Variants in WDPCP observed in about 807,000 individuals in gnomAD.
The protein encoded by WDPCP is WD repeat containing planar cell polarity effector, also known as WD repeat-containing and planar cell polarity effector protein fritz homolog.
Under a neutral mutation model 93.1 loss-of-function variants are expected in WDPCP, and 71 were observed. The observed-to-expected ratio is 0.76, with a 90% CI of 0.63 to 0.93. The LOEUF is 0.93. WDPCP is among the 40% of genes least tolerant of loss of function. The probability of loss-of-function intolerance (pLI) is 0.00; values close to 1 mark genes in which losing one functional copy is unlikely to be tolerated. For missense variants in WDPCP, 844 were observed against 887.4 expected (o/e 0.95, Z 0.62); for synonymous variants, 315 against 315.0 (o/e 1.00, Z 0.00).
intron 13 of WDPCP, among the ~76,000 whole-genome samples, chr2:63,293,331 G>C (rs1364742419): frequency 4.6e-5 from 7 of 152,108 alleles, no homozygotes; most frequent in African/African-American, 1.7e-4. Flanking sequence ...ATTCACCTTA[G>C]TATAATCTTT....
At chr2:63,766,534 T>C (rs1197559772) in intron 2 of WDPCP, among the ~76,000 whole-genome samples, 2 of 151,924 alleles carry the variant, frequency 1.3e-5, no homozygotes, top group African/African-American at 4.8e-5. Context: ...TATAGTTATC[T>C]TACTCTATGG....
chr2:63,514,708 A>G (rs963221202), intron 1 of WDPCP, among the ~76,000 whole-genome samples: 1 of 152,184 alleles, frequency 6.6e-6, no homozygotes, highest in African/African-American at 2.4e-5. Flanking sequence ...ATACAGATAT[A>G]GAGCTCAGGA....
At chr2:63,522,461 C>G (rs965844640) in intron 1 of WDPCP, among the ~76,000 whole-genome samples, 4 of 149,202 alleles carry the variant, frequency 2.7e-5, no homozygotes, top group African/African-American at 7.4e-5. Flanking sequence ...GACAGACACA[C>G]ACACACACAC....
At chr2:63,136,140 TGTC>T (rs1670600295) in intron 17 of WDPCP, among the ~76,000 whole-genome samples, 1 of 152,174 alleles carries the variant, frequency 6.6e-6, no homozygotes, top group Non-Finnish European at 1.5e-5. Flanking sequence ...TAATTCAAAG[TGTC>T]AGAGAACTTT....
chr2:63,668,161 T>C (rs1710304731), intron 2 of WDPCP, among the ~76,000 whole-genome samples: 1 of 152,172 alleles, frequency 6.6e-6, no homozygotes, highest in Non-Finnish European at 1.5e-5. Context: ...AGATGTCAGA[T>C]GTCTCTGTTC....
chr2:63,364,917 T>G (rs1690779413), intron 12 of WDPCP, among the ~76,000 whole-genome samples: 1 of 152,204 alleles, frequency 6.6e-6, no homozygotes, highest in Non-Finnish European at 1.5e-5. Context: ...GAGGGATATA[T>G]GAACCCTATC....
chr2:63,232,768 A>G (rs1283346935), intron 14 of WDPCP: 1 of 153,640 alleles, frequency 6.5e-6, no homozygotes, highest in Non-Finnish European at 1.5e-5. Context: ...TGTTTGGAAT[A>G]TATTTCTCTG....
At chr2:63,639,993 T>A (rs761193721) in intron 3 of WDPCP, among the ~76,000 whole-genome samples, 9 of 152,092 alleles carry the variant, frequency 5.9e-5, no homozygotes, top group African/African-American at 9.7e-5. Flanking sequence ...CAAGATTTAA[T>A]GTTGTTTTTG....
chr2:63,448,377 T>C (rs1698001888), intron 6 of WDPCP, among the ~76,000 whole-genome samples: 1 of 152,124 alleles, frequency 6.6e-6, no homozygotes, highest in African/African-American at 2.4e-5. Flanking sequence ...CAACTTTTCA[T>C]ATAACAGGCC....
intron 2 of WDPCP, among the ~76,000 whole-genome samples, chr2:63,670,684 G>A (rs1310290752): frequency 6.6e-6 from 1 of 152,144 alleles, no homozygotes; most frequent in Non-Finnish European, 1.5e-5. Flanking sequence ...AGAACCAACA[G>A]TTACTGGAGA....
intron 14 of WDPCP, among the ~76,000 whole-genome samples, chr2:63,193,490 T>A (rs1675194715): frequency 1.3e-5 from 2 of 152,170 alleles, no homozygotes; most frequent in Admixed American, 6.5e-5. Context: ...CATATGACAT[T>A]ATTTATTTAT....
chr2:63,721,326 A>G (rs1669409568), intron 2 of WDPCP, among the ~76,000 whole-genome samples: 1 of 152,182 alleles, frequency 6.6e-6, no homozygotes, highest in Non-Finnish European at 1.5e-5. Flanking sequence ...CATTCTTGAC[A>G]ACTTCCCATA....
At chr2:63,468,898 A>G (rs1035381281) in intron 6 of WDPCP, among the ~76,000 whole-genome samples, 21 of 151,768 alleles carry the variant, frequency 1.4e-4, no homozygotes, top group Non-Finnish European at 3.1e-4. Context: ...TTTTGACTCC[A>G]TTTCTCCATC....
chr2:63,269,013 G>GT, intron 13 of WDPCP, among the ~76,000 whole-genome samples: 1 of 152,084 alleles, frequency 6.6e-6, no homozygotes, highest in Non-Finnish European at 1.5e-5. Context: ...ATGAAACATT[G>GT]TAAGATGTTT....
chr2:63,124,870 G>GT (rs1050246208), intron 17 of WDPCP, among the ~76,000 whole-genome samples: 97 of 146,988 alleles, frequency 6.6e-4, no homozygotes, highest in African/African-American at 1.2e-3. Context: ...TCTGTAAAGG[G>GT]TTTTTTTTTT....
chr2:63,500,701 A>G (rs1216292441), intron 1 of WDPCP, among the ~76,000 whole-genome samples: 1 of 152,122 alleles, frequency 6.6e-6, no homozygotes, highest in Non-Finnish European at 1.5e-5. Context: ...CCTCTGCCTC[A>G]ATTTCCCCAC....
intron 2 of WDPCP, among the ~76,000 whole-genome samples, chr2:63,687,431 A>G (rs1045175046): frequency 2.6e-5 from 4 of 152,254 alleles, no homozygotes; most frequent in African/African-American, 9.6e-5. Flanking sequence ...CAAGCTGCCC[A>G]TCTGACAAGG....
At chr2:63,283,304 GCGTCA>G (rs1683714914) in intron 13 of WDPCP, among the ~76,000 whole-genome samples, 1 of 152,088 alleles carries the variant, frequency 6.6e-6, no homozygotes, top group African/African-American at 2.4e-5. Context: ...GAAGCCCCTT[GCGTCA>G]CTAGGATTAC....
At chr2:63,161,539 C>T (rs1291254980) in intron 15 of WDPCP, among the ~76,000 whole-genome samples, 2 of 152,182 alleles carry the variant, frequency 1.3e-5, no homozygotes, top group East Asian at 3.9e-4. Context: ...TTTCATTATT[C>T]ACTAACAAAG....
Sources: allele counts gnomAD v4.1 joint callset (sites outside exome capture counted in the v4.1 genomes callset), GRCh38; gene constraint gnomAD v4.1.1; transcripts MANE v1.5; gene names NCBI Gene and HGNC (gene_info 2026-07-23, HGNC 2026-07-21).